MRTFA: variants seen among roughly 807,000 people sequenced by gnomAD.
The protein encoded by MRTFA is myocardin-related transcription factor A.
Under a neutral mutation model 83.5 loss-of-function variants are expected in MRTFA, and 20 were observed. That is an observed-to-expected ratio of 0.24 (90% CI 0.17 to 0.35). The LOEUF (loss-of-function observed/expected upper bound fraction) is 0.35. Among genes scored for constraint, MRTFA ranks in the 10% least tolerant of loss-of-function variants. The probability of loss-of-function intolerance (pLI) is 1.00; values close to 1 mark genes in which losing one functional copy is unlikely to be tolerated. For missense variants in MRTFA, 1,200 were observed against 1,224.7 expected (o/e 0.98, Z 0.30); for synonymous variants, 659 against 541.2 (o/e 1.22, Z -3.02).
At chr22:40,545,063 T>C (rs1414797850) in intron 3 of MRTFA, among the ~76,000 whole-genome samples, 1 of 151,894 alleles carries the variant, frequency 6.6e-6, no homozygotes, top group East Asian at 1.9e-4. Flanking sequence ...GTATATATAA[T>C]TAGTAAAAGA....
chr22:40,558,717 T>C (rs1310240933), intron 2 of MRTFA, among the ~76,000 whole-genome samples: 4 of 151,634 alleles, frequency 2.6e-5, no homozygotes, highest in Non-Finnish European at 4.4e-5. Flanking sequence ...CCAACCCAAG[T>C]CCAAGTCCAA....
chr22:40,475,173 C>G (rs765477932), intron 3 of MRTFA, among the ~76,000 whole-genome samples: 1 of 152,044 alleles, frequency 6.6e-6, no homozygotes, highest in Non-Finnish European at 1.5e-5. Context: ...TCCATTAGAG[C>G]TAGGAGTTCT....
At position 40,419,137 on chromosome 22, in the gene MRTFA, GCCA is replaced by G. The variant is rs769718183; in HGVS notation, c.1598_1600del (p.Val533del). The G allele has an allele frequency of 9.8e-5, 155 of 1,587,324 alleles. 1 individual carries two copies. The highest frequency in any genetic ancestry group is 1.1e-4 in the Non-Finnish European group (128 of 1,166,892). On this transcript the variant is annotated inframe_deletion, in exon 12 of 15. Transcript: ENST00000355630. ...CACCACCCCACTGCTGGCCACCGTG[GCCA>G]CCACCACCTCAGCTGGAGCCAGGCC...
intron 1 of MRTFA, among the ~76,000 whole-genome samples, chr22:40,631,949 G>GC (rs1717650862): frequency 6.6e-6 from 1 of 152,092 alleles, no homozygotes; most frequent in African/African-American, 2.4e-5. Flanking sequence ...CTCCAAGATG[G>GC]CCCCCAATGA....
intron 3 of MRTFA, among the ~76,000 whole-genome samples, chr22:40,497,356 G>A (rs2054372980): frequency 6.6e-6 from 1 of 152,228 alleles, no homozygotes; most frequent in African/African-American, 2.4e-5. Context: ...GAGGAATGGA[G>A]AATAGAGAGA....
At chr22:40,527,167 TA>T (rs1872200535) in intron 3 of MRTFA, among the ~76,000 whole-genome samples, 1 of 149,998 alleles carries the variant, frequency 6.7e-6, no homozygotes, top group South Asian at 2.1e-4. Context: ...CAAATACTTT[TA>T]AATTATGACA....
intron 2 of MRTFA, among the ~76,000 whole-genome samples, chr22:40,591,683 T>C (rs2056123708): frequency 6.6e-6 from 1 of 152,210 alleles, no homozygotes; most frequent in Non-Finnish European, 1.5e-5. Context: ...TTCTGTAGTA[T>C]ATAAATTATA....
intron 2 of MRTFA, among the ~76,000 whole-genome samples, chr22:40,576,241 G>T (rs1419179071): frequency 1.3e-5 from 2 of 151,962 alleles, no homozygotes; most frequent in African/African-American, 2.4e-5. Flanking sequence ...ATGTTGGCCA[G>T]GCTGGTCTCA....
intron 3 of MRTFA, among the ~76,000 whole-genome samples, chr22:40,469,637 A>T (rs952002912): frequency 6.6e-6 from 1 of 151,932 alleles, no homozygotes. Flanking sequence ...CATATAGAAC[A>T]CTCCACCTAA....
intron 1 of MRTFA, among the ~76,000 whole-genome samples, chr22:40,630,312 T>A (rs1219786638): frequency 6.6e-6 from 1 of 151,726 alleles, no homozygotes; most frequent in Non-Finnish European, 1.5e-5. Context: ...CGAGACTCTG[T>A]CTCTCAAAAA....
At position 40,417,058 on chromosome 22, in the gene MRTFA, AG is replaced by A. The variant is rs769700880; in HGVS notation, c.2518-13del. ...GAGGAACCATTTTCCTGTGGGACAA[AG>A]GAAAAAAAAAAAAGAGATAAAAATC... On this transcript the variant is annotated splice_polypyrimidine_tract_variant and intron_variant, in intron 13 of 14. Coordinates refer to ENST00000355630, the MANE Select transcript of MRTFA (RefSeq NM_020831.6). 1.3e-6 allele frequency: 2 copies of A among 1,576,318 alleles called. No homozygotes were observed. The highest frequency in any genetic ancestry group is 1.4e-5 in the African/African-American group (1 of 74,030).
intron 3 of MRTFA, among the ~76,000 whole-genome samples, chr22:40,475,927 G>A (rs1043462786): frequency 5.3e-5 from 8 of 152,098 alleles, no homozygotes; most frequent in Non-Finnish European, 8.8e-5. Flanking sequence ...GGTGGATCAC[G>A]AGGTCAGGAG....
intron 2 of MRTFA, among the ~76,000 whole-genome samples, chr22:40,567,171 T>A (rs1232641457): frequency 6.6e-6 from 1 of 152,200 alleles, no homozygotes; most frequent in African/African-American, 2.4e-5. Flanking sequence ...TTTGACAATT[T>A]GCCTTAAACT....
At chr22:40,436,332 T>C (rs1602238812) in intron 4 of MRTFA, 1 of 154,392 alleles carries the variant, frequency 6.5e-6, no homozygotes, top group Admixed American at 6.5e-5. Context: ...ACTGTTTCAA[T>C]GGGACAGTTA....
At chr22:40,468,855 C>T (rs977772147) in intron 3 of MRTFA, among the ~76,000 whole-genome samples, 2 of 152,210 alleles carry the variant, frequency 1.3e-5, no homozygotes, top group African/African-American at 4.8e-5. Flanking sequence ...GGGGAAACTG[C>T]TATCCAGAAA....
rs182378002 is a variant in MRTFA, at chr22:40,589,262, T to C, written c.-22+5412A>G. On this transcript the variant is annotated intron_variant, in intron 2 of 14. Coordinates refer to ENST00000355630, the MANE Select transcript of MRTFA (RefSeq NM_020831.6). ...ACATTTATATGTTTATGTATACATG[T>C]ACAGCTTATAAAGGAAAAAATCACT... 6.8e-4 allele frequency among the ~76,000 whole-genome samples: 104 copies of C among 152,278 alleles called. 1 individual carries two copies. The highest frequency in any genetic ancestry group is 2.3e-3 in the East Asian group (12 of 5,188).
chr22:40,511,895 G>A (rs190752568), intron 3 of MRTFA, among the ~76,000 whole-genome samples: 106 of 152,270 alleles, frequency 7.0e-4, no homozygotes, highest in African/African-American at 2.5e-3. Flanking sequence ...TTTCTGAACT[G>A]TGTTATCCAG....
chr22:40,601,847 T>C (rs1346170619), intron 1 of MRTFA, among the ~76,000 whole-genome samples: 1 of 152,078 alleles, frequency 6.6e-6, no homozygotes, highest in Non-Finnish European at 1.5e-5. Flanking sequence ...AAGACTGAAA[T>C]CCCTTTCCCA....
intron 2 of MRTFA, among the ~76,000 whole-genome samples, chr22:40,588,331 CT>C (rs1337442327): frequency 1.3e-5 from 2 of 151,818 alleles, no homozygotes; most frequent in South Asian, 2.1e-4. Context: ...CCAGCCTCAA[CT>C]TTTTTTTGTA....
Sources: allele counts gnomAD v4.1 joint callset (sites outside exome capture counted in the v4.1 genomes callset), GRCh38; gene constraint gnomAD v4.1.1; transcripts MANE v1.5; gene names NCBI Gene and HGNC (gene_info 2026-07-23, HGNC 2026-07-21).